Variants in CFAP20DC observed in about 807,000 individuals in gnomAD.
CFAP20DC encodes the protein protein CFAP20DC.
A neutral mutation model predicts 101.7 loss-of-function variants in CFAP20DC; 84 were observed. The observed-to-expected ratio is 0.83, with a 90% CI of 0.69 to 0.99. CFAP20DC has a LOEUF of 0.99. Ranked by LOEUF, CFAP20DC falls within the 50% of genes least tolerant of loss-of-function variation. CFAP20DC has a pLI of 0.00. For missense variants in CFAP20DC, 1,007 were observed against 970.3 expected (o/e 1.04, Z -0.50); for synonymous variants, 359 against 351.2 (o/e 1.02, Z -0.25).
chr3:58,815,588 A>C (rs1217527635), intron 14 of CFAP20DC, among the ~76,000 whole-genome samples: 1 of 151,538 alleles, frequency 6.6e-6, no homozygotes, highest in Non-Finnish European at 1.5e-5. Flanking sequence ...AAAATGGGAG[A>C]AAATTTTCAC....
At position 58,757,594 on chromosome 3, in the gene CFAP20DC, G is replaced by A. The variant is rs553027590; in HGVS notation, c.2238-3731C>T. 1.5e-4 allele frequency among the ~76,000 whole-genome samples: 23 copies of A among 151,710 alleles called. No individual in the cohort carries two copies. In the East Asian group the frequency reaches 3.9e-3, roughly 26 times the overall value. ...CTGTATTTTGGGTCATTTTTATAAAGCCTTTCCCTACAACCAAGTTCTGTG... is the reference window on the plus strand; with the variant it reads ...CTGTATTTTGGGTCATTTTTATAAAACCTTTCCCTACAACCAAGTTCTGTG... On this transcript the variant is annotated intron_variant, in intron 15 of 16. Transcript: ENST00000482387.
intron 4 of CFAP20DC, among the ~76,000 whole-genome samples, chr3:58,963,901 C>G (rs2091347430): frequency 6.6e-6 from 1 of 152,100 alleles, no homozygotes; most frequent in African/African-American, 2.4e-5. Flanking sequence ...AGTTTACACA[C>G]AACTGACCAG....
chr3:58,933,073 G>A (rs1240757865), intron 5 of CFAP20DC, among the ~76,000 whole-genome samples: 1 of 152,094 alleles, frequency 6.6e-6, no homozygotes, highest in Non-Finnish European at 1.5e-5. Flanking sequence ...AAGGATGGAG[G>A]AAGATCTACC....
At chr3:58,852,099 A>C (rs2078295445) in intron 12 of CFAP20DC, among the ~76,000 whole-genome samples, 2 of 152,164 alleles carry the variant, frequency 1.3e-5, no homozygotes, top group South Asian at 4.2e-4. Flanking sequence ...TTTTGCTTTG[A>C]CTGGGCCACT....
rs116252608 is a variant in CFAP20DC, at chr3:58,999,750, A to G, written c.278+39807T>C. On this transcript the variant is annotated intron_variant, in intron 4 of 16. Transcript: ENST00000482387. ...AACTCTGAAAATTTAGTATAGAAAT[A>G]CTACATCTGAATTTTCTTCCTTTGC... is the stretch of plus-strand genomic sequence containing the variant. 2.1e-3 allele frequency among the ~76,000 whole-genome samples: 312 copies of G among 151,820 alleles called. 2 individuals carry two copies. Among genetic ancestry groups the G allele is most frequent in the African/African-American group, 7.4e-3 (305 of 41,342 alleles).
chr3:58,749,490 T>A (rs184883020), intron 16 of CFAP20DC, among the ~76,000 whole-genome samples: 1 of 152,200 alleles, frequency 6.6e-6, no homozygotes, highest in Non-Finnish European at 1.5e-5. Context: ...TACTAGTAAT[T>A]TGGATATTAC....
intron 4 of CFAP20DC, among the ~76,000 whole-genome samples, chr3:59,027,519 T>C (rs1483856642): frequency 6.6e-6 from 1 of 152,046 alleles, no homozygotes; most frequent in African/African-American, 2.4e-5. Context: ...AAAAATAACA[T>C]CAGTTCACTA....
intron 4 of CFAP20DC, among the ~76,000 whole-genome samples, chr3:58,984,253 T>A (rs187010916): frequency 6.6e-6 from 1 of 152,346 alleles, no homozygotes; most frequent in Admixed American, 6.5e-5. Context: ...TAATTGTTAT[T>A]GGCTTCCTAT....
intron 4 of CFAP20DC, among the ~76,000 whole-genome samples, chr3:58,948,446 T>C (rs2089650387): frequency 6.6e-6 from 1 of 152,214 alleles, no homozygotes; most frequent in African/African-American, 2.4e-5. Flanking sequence ...CCTTTGTGGT[T>C]TTGGTCCATG....
chr3:58,825,143 T>C (rs1433851119), intron 14 of CFAP20DC, among the ~76,000 whole-genome samples: 1 of 152,210 alleles, frequency 6.6e-6, no homozygotes, highest in Non-Finnish European at 1.5e-5. Flanking sequence ...TCAGTCTGTA[T>C]GCTGATGGTT....
chr3:58,884,488 C>T, intron 7 of CFAP20DC, 57 bp downstream of exon 7: 2 of 1,536,772 alleles, frequency 1.3e-6, no homozygotes, highest in South Asian at 1.1e-5. Flanking sequence ...GGAAGTCACA[C>T]TTTATGGGAG....
At chr3:58,961,552 CA>C (rs35069063) in intron 4 of CFAP20DC, among the ~76,000 whole-genome samples, 8,895 of 151,724 alleles carry the variant, frequency 0.059, 560 homozygotes, top group East Asian at 0.37. Context: ...AAGACTGTCT[CA>C]AAAAAACAAA....
rs2093436702 is a variant in CFAP20DC, at chr3:59,006,474, A to C, written c.278+33083T>G. 6.6e-6 allele frequency among the ~76,000 whole-genome samples: 1 copy of C among 152,220 alleles called. No homozygotes were observed. Among genetic ancestry groups the C allele is most frequent in the Non-Finnish European group, 1.5e-5 (1 of 68,032 alleles). On this transcript the variant is annotated intron_variant, in intron 4 of 16. Coordinates refer to ENST00000482387, the MANE Select transcript of CFAP20DC (RefSeq NM_001394063.1). This position sits in a 1 kb window ranked among gnomAD's most constrained non-coding sequence, Gnocchi z 4.3. ...TGCTGCAAATTCTGCGAGACAGGCA[A>C]AAAACTGTGAGTTCCCAAAGTGTGA...
chr3:58,870,341 A>C, intron 7 of CFAP20DC, 32 bp from the exon 8 acceptor site: 1 of 1,602,988 alleles, frequency 6.2e-7, no homozygotes. Flanking sequence ...ATAATAGTCC[A>C]TTAATGGGTG....
At chr3:58,733,256 CA>C (rs2067681033) in intron 3 of CFAP20DC, among the ~76,000 whole-genome samples, 1 of 152,106 alleles carries the variant, frequency 6.6e-6, no homozygotes, top group Admixed American at 6.5e-5. Flanking sequence ...CACTTGAACG[CA>C]GGAGGCAGAG....
chr3:58,866,769 G>A, intron 10 of CFAP20DC, 81 bp from the exon 11 acceptor site: 1 of 920,580 alleles, frequency 1.1e-6, no homozygotes, highest in Non-Finnish European at 1.6e-6. Flanking sequence ...GTTTACTTTG[G>A]TATACTTTAC....
At chr3:58,950,487 A>G (rs1418523630) in intron 4 of CFAP20DC, among the ~76,000 whole-genome samples, 1 of 152,200 alleles carries the variant, frequency 6.6e-6, no homozygotes, top group African/African-American at 2.4e-5. Flanking sequence ...AGCTGGAGGC[A>G]TCATGCTACC....
At chr3:59,046,940 T>C (rs1269091128) in intron 2 of CFAP20DC, among the ~76,000 whole-genome samples, 3 of 152,138 alleles carry the variant, frequency 2.0e-5, no homozygotes, top group Non-Finnish European at 4.4e-5. Context: ...TCTAAAATGA[T>C]ACACAGCAGG....
rs772404367 is a variant in CFAP20DC, at chr3:58,856,045, ATAAAG to A, written c.1594-6641_1594-6637del. 6.6e-5 allele frequency among the ~76,000 whole-genome samples: 10 copies of A among 151,998 alleles called. No homozygotes were observed. In the South Asian group the frequency reaches 1.5e-3, roughly 22 times the overall value. ...TGACTGTAGGAAAAAAAACTTCAAAATAAAGTAGAGATTTTCCAGTTAAAAATATA... is the reference window on the plus strand; with the variant it reads ...TGACTGTAGGAAAAAAAACTTCAAAATAGAGATTTTCCAGTTAAAAATATA... On this transcript the variant is annotated intron_variant, in intron 12 of 16. Coordinates refer to ENST00000482387, the MANE Select transcript of CFAP20DC (RefSeq NM_001394063.1).
Sources: gnomAD v4.1 joint callset for allele counts (sites outside exome capture counted in the v4.1 genomes callset) on GRCh38, gnomAD v4.1.1 for gene constraint, Gnocchi (gnomAD v3.1) non-coding constraint, MANE v1.5 for transcripts, NCBI Gene and HGNC (gene_info 2026-07-23, HGNC 2026-07-21) for gene names.